Variants in LIN52 observed in about 807,000 individuals in gnomAD.
The protein encoded by LIN52 is lin-52 DREAM MuvB core complex component.
LIN52 carries 4 observed loss-of-function variants against 18.5 expected under a neutral mutation model. The observed-to-expected ratio is 0.22, with a 90% CI of 0.11 to 0.49. The LOEUF is 0.49. LIN52 is among the 20% of genes least tolerant of loss of function. The probability of loss-of-function intolerance (pLI) is 0.97; values close to 1 mark genes in which losing one functional copy is unlikely to be tolerated. For synonymous variants in LIN52, 34 were observed against 45.5 expected (o/e 0.75, Z 1.02); for missense variants, 102 against 139.5 (o/e 0.73, Z 1.35).
At chr14:74,109,845 G>A (rs1253653531) in intron 5 of LIN52, among the ~76,000 whole-genome samples, 1 of 152,134 alleles carries the variant, frequency 6.6e-6, no homozygotes, top group Non-Finnish European at 1.5e-5. Flanking sequence ...TTCTAATAAT[G>A]TTTTAGTAGA....
At chr14:74,143,850 C>A (rs561037563) in intron 5 of LIN52, among the ~76,000 whole-genome samples, 2 of 152,148 alleles carry the variant, frequency 1.3e-5, no homozygotes, top group Non-Finnish European at 2.9e-5. Flanking sequence ...AACTAGTCAC[C>A]CTGCTGTGCA....
At position 74,181,115 on chromosome 14, in the gene LIN52, AAAAAAAAAAAAAAG is replaced by A. The variant is rs970421847; in HGVS notation, c.284-17800_284-17787del. ...GGAGCAAGACTCTGTCTCAAAAAAA[AAAAAAAAAAAAAAG>A]AAAAAAGAAAAGAAAAGGAAAGAAT... On this transcript the variant is annotated intron_variant, in intron 5 of 5. Coordinates refer to ENST00000555028, the MANE Select transcript of LIN52 (RefSeq NM_001024674.3). 4.7e-5 allele frequency among the ~76,000 whole-genome samples: 7 copies of A among 150,230 alleles called. 1 individual carries two copies. Among genetic ancestry groups the A allele is most frequent in the African/African-American group, 1.7e-4 (7 of 40,872 alleles).
intron 5 of LIN52, among the ~76,000 whole-genome samples, chr14:74,141,002 A>G (rs914709777): frequency 1.3e-5 from 2 of 152,236 alleles, no homozygotes; most frequent in African/African-American, 4.8e-5. Context: ...TGTTAACTAC[A>G]AAAGGAACAG....
chr14:74,106,588 T>G (rs1178486639), intron 5 of LIN52, among the ~76,000 whole-genome samples: 1 of 151,558 alleles, frequency 6.6e-6, no homozygotes, highest in African/African-American at 2.4e-5. Flanking sequence ...GATTTATTAT[T>G]TATTTATTTG....
intron 5 of LIN52, among the ~76,000 whole-genome samples, chr14:74,149,452 A>G (rs2061167288): frequency 6.6e-6 from 1 of 152,156 alleles, no homozygotes; most frequent in South Asian, 2.1e-4. Flanking sequence ...TGATGAGATA[A>G]GACTGCACCA....
intron 5 of LIN52, among the ~76,000 whole-genome samples, chr14:74,130,588 ATTTT>A (rs34746271): frequency 2.7e-5 from 2 of 72,960 alleles, no homozygotes; most frequent in Non-Finnish European, 4.9e-5. Context: ...TAAATTGGCC[ATTTT>A]TTTTTTTTTT....
intron 5 of LIN52, among the ~76,000 whole-genome samples, chr14:74,117,671 A>G (rs550141685): frequency 6.6e-6 from 1 of 152,130 alleles, no homozygotes; most frequent in Admixed American, 6.6e-5. Flanking sequence ...TGTTCTAGAA[A>G]TTTCAACAAA....
chr14:74,119,754 A>C (rs1241674827), intron 5 of LIN52, among the ~76,000 whole-genome samples: 1 of 151,476 alleles, frequency 6.6e-6, no homozygotes, highest in Non-Finnish European at 1.5e-5. Context: ...TTTATTGGCC[A>C]TTTGGATAAC....
At chr14:74,150,887 C>G (rs959449295) in intron 5 of LIN52, among the ~76,000 whole-genome samples, 6 of 152,176 alleles carry the variant, frequency 3.9e-5, no homozygotes, top group Non-Finnish European at 7.4e-5. Flanking sequence ...CTCCCGCCCC[C>G]CTGCTCCAAG....
intron 5 of LIN52, among the ~76,000 whole-genome samples, chr14:74,168,164 A>T (rs188770936): frequency 6.6e-6 from 1 of 152,352 alleles, no homozygotes; most frequent in East Asian, 1.9e-4. Flanking sequence ...TATTCTTTTC[A>T]ACTACATGAA....
At chr14:74,142,705 A>G (rs998275340) in intron 5 of LIN52, among the ~76,000 whole-genome samples, 3 of 151,602 alleles carry the variant, frequency 2.0e-5, no homozygotes, top group African/African-American at 4.8e-5. Flanking sequence ...CTGTTTTTGT[A>G]TTCTCTGAGC....
At chr14:74,110,781 A>G (rs368509025) in intron 5 of LIN52, among the ~76,000 whole-genome samples, 3 of 151,906 alleles carry the variant, frequency 2.0e-5, no homozygotes, top group African/African-American at 7.3e-5. Context: ...TGGCTAACAC[A>G]GTGAAACCCC....
chr14:74,188,440 AT>A (rs201079325), intron 5 of LIN52, among the ~76,000 whole-genome samples: 1 of 152,092 alleles, frequency 6.6e-6, no homozygotes, highest in South Asian at 2.1e-4. Flanking sequence ...GAAGATTTGT[AT>A]TTTTTTAAAA....
chr14:74,157,286 G>A (rs2061203385), intron 5 of LIN52, among the ~76,000 whole-genome samples: 2 of 151,938 alleles, frequency 1.3e-5, no homozygotes, highest in South Asian at 2.1e-4. Context: ...TCCCGCCTCA[G>A]CCTCCCAAAG....
intron 5 of LIN52, among the ~76,000 whole-genome samples, chr14:74,101,878 T>A (rs935330032): frequency 2.6e-5 from 4 of 152,132 alleles, no homozygotes; most frequent in Non-Finnish European, 5.9e-5. Flanking sequence ...GCTCAAGTGA[T>A]CCTCCCACCT....
At chr14:74,091,773 CAA>C (rs573705378) in intron 2 of LIN52, among the ~76,000 whole-genome samples, 9,049 of 64,504 alleles carry the variant, frequency 0.14, 116 homozygotes, top group South Asian at 0.2. Context: ...GACTCTGTCT[CAA>C]AAAAAAAAAA....
intron 5 of LIN52, among the ~76,000 whole-genome samples, chr14:74,124,932 A>G (rs1044908222): frequency 3.9e-5 from 6 of 152,140 alleles, no homozygotes; most frequent in Admixed American, 3.9e-4. Context: ...CTTCATTAAA[A>G]TTAAAAACTT....
At chr14:74,087,074 G>A (rs2060737823) in intron 1 of LIN52, among the ~76,000 whole-genome samples, 1 of 151,930 alleles carries the variant, frequency 6.6e-6, no homozygotes, top group Non-Finnish European at 1.5e-5. Context: ...TTTTTCCCCT[G>A]TCATCTCTCA....
chr14:74,144,272 C>A (rs534115796), intron 5 of LIN52, among the ~76,000 whole-genome samples: 17 of 151,294 alleles, frequency 1.1e-4, no homozygotes, highest in Non-Finnish European at 2.2e-4. Context: ...GGAGCCACAC[C>A]CAGCTAATTT....
Sources: gnomAD v4.1 joint callset for allele counts (sites outside exome capture counted in the v4.1 genomes callset) on GRCh38, gnomAD v4.1.1 for gene constraint, MANE v1.5 for transcripts, NCBI Gene and HGNC (gene_info 2026-07-23, HGNC 2026-07-21) for gene names.